Variants in NHS observed in about 807,000 individuals in gnomAD.
NHS encodes the protein NHS actin remodeling regulator.
NHS carries 5 observed loss-of-function variants against 72.5 expected under a neutral mutation model. The ratio of observed to expected loss-of-function variants is 0.07; its 90% CI spans 0.04 to 0.14. The LOEUF is 0.14. Among genes scored for constraint, NHS ranks in the 10% least tolerant of loss-of-function variants. The probability of loss-of-function intolerance (pLI) is 1.00; values close to 1 mark genes in which losing one functional copy is unlikely to be tolerated. For missense variants in NHS, 1,072 were observed against 1,355.7 expected (o/e 0.79, Z 3.29); for synonymous variants, 464 against 547.7 (o/e 0.85, Z 2.13).
chrX:17,695,096 C>T (rs1314810098), intron 3 of NHS, among the ~76,000 whole-genome samples: 1 of 112,379 alleles, frequency 8.9e-6, no homozygotes, highest in East Asian at 2.8e-4. Flanking sequence ...AAAATTCTTA[C>T]CATCAAATGA....
In NHS at chrX:17,726,244, CCAA is replaced by C. The variant is rs1300557780; in HGVS notation, c.2144_2146del (p.Asn715del). The C allele has an allele frequency of 3.3e-6, 4 of 1,210,241 alleles. No individual in the cohort carries two copies. The Admixed American group carries it at 6.5e-5, about 20-fold the overall frequency. On this transcript the variant is annotated inframe_deletion, in exon 7 of 9. Coordinates refer to ENST00000676302, the MANE Select transcript of NHS (RefSeq NM_001291867.2). ...ACTGTTGCAGACCTGCTGGATGATC[CCAA>C]CAACAGCAACACAAGTGACAGTGAG...
intron 1 of NHS, among the ~76,000 whole-genome samples, chrX:17,415,281 G>A (rs187465138): frequency 7.5e-4 from 83 of 111,377 alleles, no homozygotes; most frequent in African/African-American, 2.5e-3. Flanking sequence ...AATAAGAATG[G>A]GGAATGAATC....
intron 3 of NHS, among the ~76,000 whole-genome samples, chrX:17,714,652 T>C (rs749390264): frequency 2.7e-4 from 30 of 112,509 alleles, no homozygotes; most frequent in Non-Finnish European, 4.7e-4. Flanking sequence ...CACATATTTA[T>C]TGAGCGCTAT....
chrX:17,530,499 T>G, intron 1 of NHS, among the ~76,000 whole-genome samples: 1 of 111,416 alleles, frequency 9.0e-6, no homozygotes. Context: ...GTGTGGTCCT[T>G]GGACTAGCAG....
chrX:17,697,987 G>A (rs2066241350), intron 3 of NHS, among the ~76,000 whole-genome samples: 1 of 107,457 alleles, frequency 9.3e-6, no homozygotes, highest in South Asian at 3.9e-4. Context: ...TATAAACAGA[G>A]AAGACAACAC....
chrX:17,726,821 T>C lies in NHS; in HGVS notation c.2715T>C (p.Asn905=). The change falls in exon 7 of 9, where the codon AAT becomes AAC. Residue 905 remains asparagine, a synonymous_variant. Coordinates refer to ENST00000676302, the MANE Select transcript of NHS (RefSeq NM_001291867.2). ...ANTPSRMENA[N]LPTKQEPSWI... is the part of the protein sequence containing the mutation. ...CGCCTTCTCGAATGGAAAACGCCAA[T>C]CTTCCCACCAAGCAGGAACCTTCTT... is the stretch of plus-strand genomic sequence containing the variant. 2.5e-6 allele frequency: 3 copies of C among 1,211,728 alleles called. No individual in the cohort carries two copies. Among genetic ancestry groups the C allele is most frequent in the Non-Finnish European group, 3.3e-6 (3 of 895,540 alleles).
At chrX:17,600,789 G>T (rs2147049824) in intron 1 of NHS, among the ~76,000 whole-genome samples, 1 of 110,300 alleles carries the variant, frequency 9.1e-6, no homozygotes, top group African/African-American at 3.3e-5. Context: ...AACACAGAAA[G>T]GTTGGGTGGG....
intron 1 of NHS, among the ~76,000 whole-genome samples, chrX:17,575,289 C>T (rs2065504360): frequency 8.8e-6 from 1 of 113,183 alleles, no homozygotes; most frequent in Admixed American, 9.3e-5. Context: ...CCCTGCATGA[C>T]CTGGCAAGCT....
chrX:17,557,447 T>C (rs2065384975), intron 1 of NHS: 1 of 109,901 alleles, frequency 9.1e-6, no homozygotes, highest in African/African-American at 3.3e-5. Context: ...TAAGTATCTT[T>C]GTAATTTGTT....
intron 8 of NHS, among the ~76,000 whole-genome samples, chrX:17,731,072 C>T (rs1026968537): frequency 9.0e-6 from 1 of 111,152 alleles, no homozygotes; most frequent in African/African-American, 3.3e-5. Flanking sequence ...CCCACACCTC[C>T]ATCCACTTGC....
At chrX:17,641,936 G>A (rs1358510098) in intron 1 of NHS, among the ~76,000 whole-genome samples, 1 of 111,188 alleles carries the variant, frequency 9.0e-6, no homozygotes, top group Non-Finnish European at 1.9e-5. Context: ...ACATTTTAGG[G>A]TATATCTTTT....
chrX:17,430,299 CTTT>C (rs1569252752), intron 1 of NHS, among the ~76,000 whole-genome samples: 8 of 73,830 alleles, frequency 1.1e-4, no homozygotes, highest in African/African-American at 4.5e-4. Flanking sequence ...TTCTTTCTTT[CTTT>C]CTTTCTTTCT....
intron 1 of NHS, among the ~76,000 whole-genome samples, chrX:17,623,595 C>T (rs996155195): frequency 9.0e-6 from 1 of 111,483 alleles, no homozygotes; most frequent in Non-Finnish European, 1.9e-5. Flanking sequence ...AATCTTCCCC[C>T]AGAGACCTGG....
chrX:17,686,500 G>A (rs1310737255), intron 1 of NHS, among the ~76,000 whole-genome samples: 2 of 111,931 alleles, frequency 1.8e-5, no homozygotes, highest in East Asian at 5.6e-4. Context: ...TAAGGGAAGG[G>A]GTGCTCAGAA....
rs1042081963 is a variant in NHS at position 17,735,705 on chromosome X, C to T, written c.*3241C>T. 55 of 112,654 alleles carry T rather than the reference C, an allele frequency of 4.9e-4. 1 individual carries two copies. The highest frequency in any genetic ancestry group is 1.3e-4 in the Non-Finnish European group (7 of 53,316). The allele number at this position is 112,654 out of a possible 1,213,427, so 9.3% of individuals were successfully genotyped here. A position where few individuals can be genotyped will look rare whatever the true frequency, so the allele number is the denominator to read the frequency against. Reference sequence around the variant, plus strand: ...TAGAACCAGTTCATGCTGGCCGAAACGACAATGGTTTATGGACTTGCATCC... The same window carrying T: ...TAGAACCAGTTCATGCTGGCCGAAATGACAATGGTTTATGGACTTGCATCC... On this transcript the variant is annotated 3_prime_UTR_variant, in exon 9 of 9. Transcript: ENST00000676302.
intron 1 of NHS, among the ~76,000 whole-genome samples, chrX:17,540,199 A>T (rs2065255939): frequency 8.9e-6 from 1 of 111,815 alleles, no homozygotes; most frequent in Non-Finnish European, 1.9e-5. Context: ...GAACACACTC[A>T]TACTTTAACT....
At chrX:17,719,281 C>T in intron 3 of NHS, 63 bp from the exon 4 acceptor site, 1 of 995,706 alleles carries the variant, frequency 1.0e-6, no homozygotes, top group Non-Finnish European at 1.4e-6. Context: ...TTGGCCTAAC[C>T]AGTATACACT....
At chrX:17,519,086 A>ATTG (rs1356610719) in intron 1 of NHS, among the ~76,000 whole-genome samples, 2 of 111,957 alleles carry the variant, frequency 1.8e-5, no homozygotes, top group Non-Finnish European at 3.8e-5. Flanking sequence ...ATGTATAATA[A>ATTG]TTGTTGTTAC....
chrX:17,383,491 G>A (rs1439675488), intron 1 of NHS, among the ~76,000 whole-genome samples: 3 of 112,189 alleles, frequency 2.7e-5, no homozygotes, highest in East Asian at 5.6e-4. Flanking sequence ...TTTGCAGGCT[G>A]TACAGGAGCC....
Sources: gnomAD v4.1 joint callset for allele counts (sites outside exome capture counted in the v4.1 genomes callset) on GRCh38, gnomAD v4.1.1 for gene constraint, MANE v1.5 for transcripts, NCBI Gene and HGNC (gene_info 2026-07-23, HGNC 2026-07-21) for gene names.